SLCO5A1: variants seen among roughly 807,000 people sequenced by gnomAD.
The protein encoded by SLCO5A1 is solute carrier organic anion transporter family member 5A1.
Under a neutral mutation model 65.1 loss-of-function variants are expected in SLCO5A1, and 39 were observed. The observed-to-expected ratio is 0.60, with a 90% CI of 0.46 to 0.78. The LOEUF is 0.78. SLCO5A1 is among the 30% of genes least tolerant of loss of function. The pLI, the probability that SLCO5A1 is intolerant of heterozygous loss-of-function variation, is 0.00. For missense variants in SLCO5A1, 1,029 were observed against 1,069.4 expected, an observed-to-expected ratio of 0.96 and a Z score of 0.53; for synonymous variants, 438 against 415.7, an observed-to-expected ratio of 1.05 and a Z score of -0.65.
intron 6 of SLCO5A1, among the ~76,000 whole-genome samples, chr8:69,695,371 T>G (rs929112106): frequency 6.6e-6 from 1 of 152,070 alleles, no homozygotes; most frequent in Non-Finnish European, 1.5e-5. Flanking sequence ...TGGCGGGACC[T>G]GTAATCTCAG....
chr8:69,832,317 G>A lies in SLCO5A1; in HGVS notation c.357C>T (p.Cys119=), dbSNP rs1331598610. The A allele has an allele frequency of 6.2e-7, 1 of 1,614,186 alleles. No homozygotes were observed. The highest frequency in any genetic ancestry group is 8.5e-7 in the Non-Finnish European group (1 of 1,180,020). ...GGGAATCCGTGAGGACCACGTAGAG[G>A]CACCTTCTCTCCTGGAGCATGGCCA... ...SALAMLQERR[C]LYVVLTDSRC... is the part of the protein sequence containing the mutation. The change falls in exon 2 of 10, where the codon TGC becomes TGT. Residue 119 remains cysteine, a synonymous_variant. Transcript: ENST00000260126. This position sits in a 1 kb window ranked among gnomAD's most constrained non-coding sequence, Gnocchi z 4.5.
chr8:69,743,788 C>T lies in SLCO5A1; in HGVS notation c.1259-5584G>A, dbSNP rs150794837. Reference sequence around the variant, plus strand: ...GGGACTCAGAGGTGCTATCTACAGGCAACCCAACAGCCACCAGAAGCCTAA... The same window carrying T: ...GGGACTCAGAGGTGCTATCTACAGGTAACCCAACAGCCACCAGAAGCCTAA... On this transcript the variant is annotated intron_variant, in intron 4 of 9. Coordinates refer to ENST00000260126, the MANE Select transcript of SLCO5A1 (RefSeq NM_030958.3). Among the ~76,000 whole-genome samples the T allele has an allele frequency of 6.6e-5, 10 of 152,236 alleles. No homozygotes were observed. The East Asian group carries it at 1.9e-3, about 29-fold the overall frequency.
chr8:69,831,526 A>G (rs1157179047), intron 2 of SLCO5A1, among the ~76,000 whole-genome samples: 1 of 152,238 alleles, frequency 6.6e-6, no homozygotes, highest in Non-Finnish European at 1.5e-5. Flanking sequence ...TTTAAAGTTT[A>G]TGTTACTTGG....
rs555360674 is a variant in SLCO5A1, at chr8:69,774,292, G to A, written c.908-12417C>T. Among the ~76,000 whole-genome samples the A allele has an allele frequency of 3.3e-5, 5 of 152,228 alleles. No individual in the cohort carries two copies. The East Asian group carries it at 5.8e-4, about 18-fold the overall frequency. ...TGTTGCAGTGAGCATCTCTACCTCCGCCAATCCCACCCCAATAGAGTCCTT... is the reference window on the plus strand; with the variant it reads ...TGTTGCAGTGAGCATCTCTACCTCCACCAATCCCACCCCAATAGAGTCCTT... On this transcript the variant is annotated intron_variant, in intron 2 of 9. Transcript: ENST00000260126.
chr8:69,814,515 A>T (rs965629164), intron 2 of SLCO5A1, among the ~76,000 whole-genome samples: 5 of 152,178 alleles, frequency 3.3e-5, no homozygotes, highest in Admixed American at 1.3e-4. Flanking sequence ...TCAAGTTTTG[A>T]TGAGGATGTG....
At position 69,832,481 on chromosome 8, in the gene SLCO5A1, C is replaced by A; in HGVS notation, c.193G>T (p.Asp65Tyr). The A allele has an allele frequency of 6.2e-7, 1 of 1,612,496 alleles. No individual in the cohort carries two copies. The highest frequency in any genetic ancestry group is 8.5e-7 in the Non-Finnish European group (1 of 1,179,362). ...GDANPAFGCV[D>Y]SSGHQELKQG... ...TTCAACTCCTGGTGGCCCGAAGAATCCACACAGCCAAAGGCCGGGTTGGCG... is the reference window on the plus strand; with the variant it reads ...TTCAACTCCTGGTGGCCCGAAGAATACACACAGCCAAAGGCCGGGTTGGCG... The change falls in exon 2 of 10, where the codon GAT (aspartate) becomes TAT (tyrosine). Residue 65 changes from aspartate (D) to tyrosine (Y), a missense_variant. By Grantham distance (160) the Asp-to-Tyr change is radical. Transcript: ENST00000260126. This position sits in a 1 kb window ranked among gnomAD's most constrained non-coding sequence, Gnocchi z 4.5.
At chr8:69,760,037 G>A (rs1341581929) in intron 3 of SLCO5A1, among the ~76,000 whole-genome samples, 1 of 152,122 alleles carries the variant, frequency 6.6e-6, no homozygotes, top group Non-Finnish European at 1.5e-5. Flanking sequence ...TAAAGCTCCT[G>A]CCTTCCCTCC....
intron 6 of SLCO5A1, among the ~76,000 whole-genome samples, chr8:69,694,157 T>C (rs1320266832): frequency 6.6e-6 from 1 of 152,200 alleles, no homozygotes; most frequent in Non-Finnish European, 1.5e-5. Flanking sequence ...CGTACGTGCA[T>C]GAAATACACA....
chr8:69,803,499 G>T (rs1819850199), intron 2 of SLCO5A1, among the ~76,000 whole-genome samples: 1 of 152,040 alleles, frequency 6.6e-6, no homozygotes, highest in South Asian at 2.1e-4. Flanking sequence ...AATCGCTTGT[G>T]AGCTGAGATC....
intron 2 of SLCO5A1, among the ~76,000 whole-genome samples, chr8:69,779,024 A>C (rs563292466): frequency 3.3e-5 from 5 of 152,212 alleles, no homozygotes; most frequent in Non-Finnish European, 7.4e-5. Flanking sequence ...TCATTTATGT[A>C]TAGTGTATGG....
intron 5 of SLCO5A1, among the ~76,000 whole-genome samples, chr8:69,728,197 C>T (rs974916594): frequency 6.6e-6 from 1 of 151,894 alleles, no homozygotes; most frequent in Non-Finnish European, 1.5e-5. Flanking sequence ...ATGTAAAATA[C>T]CGATGTATAT....
At chr8:69,675,971 A>T (rs1813530761) in intron 9 of SLCO5A1, among the ~76,000 whole-genome samples, 1 of 152,220 alleles carries the variant, frequency 6.6e-6, no homozygotes, top group South Asian at 2.1e-4. Context: ...TTGTCTCAAG[A>T]ACTCACAGAG....
At chr8:69,808,568 T>C (rs1043821229) in intron 2 of SLCO5A1, among the ~76,000 whole-genome samples, 5 of 152,214 alleles carry the variant, frequency 3.3e-5, no homozygotes, top group African/African-American at 7.2e-5. Context: ...CAGTCTATCA[T>C]TGATGGACAT....
At chr8:69,787,825 C>T (rs1819102737) in intron 2 of SLCO5A1, among the ~76,000 whole-genome samples, 1 of 152,154 alleles carries the variant, frequency 6.6e-6, no homozygotes, top group African/African-American at 2.4e-5. Context: ...CAGGCACTAG[C>T]TATACATGAT....
Position 69,832,967 on chromosome 8 carries a change from C to G in SLCO5A1, c.-294G>C, listed in dbSNP as rs1427985372. Reference sequence around the variant, plus strand: ...TCTCCGGGCGGTAGCTTGAGGCAGGCGCCTCGCGCGTCCCGGGCTCATCCC... The same window carrying G: ...TCTCCGGGCGGTAGCTTGAGGCAGGGGCCTCGCGCGTCCCGGGCTCATCCC... On this transcript the variant is annotated 5_prime_UTR_variant, in exon 2 of 10. Transcript: ENST00000260126. The surrounding 1 kb of genome is among the most constrained non-coding windows in gnomAD (Gnocchi z 4.5). 1 of 398,238 alleles carries G rather than the reference C, an allele frequency of 2.5e-6. No individual in the cohort carries two copies. Among genetic ancestry groups the G allele is most frequent in the African/African-American group, 2.1e-5 (1 of 46,900 alleles). 24.7% of individuals were successfully genotyped at this position (398,238 alleles called of 1,614,324 possible).
chr8:69,722,103 C>T (rs1057174242), intron 5 of SLCO5A1, among the ~76,000 whole-genome samples: 19 of 151,420 alleles, frequency 1.3e-4, no homozygotes, highest in Admixed American at 1.1e-3. Context: ...GACCAGGAGG[C>T]GGAGGTTGCA....
At chr8:69,715,799 CT>C (rs1036999708) in intron 5 of SLCO5A1, among the ~76,000 whole-genome samples, 17 of 152,050 alleles carry the variant, frequency 1.1e-4, no homozygotes, top group Admixed American at 3.3e-4. Flanking sequence ...TATTGTGTTT[CT>C]TTTTTTTAAT....
chr8:69,714,631 C>T (rs1482896269), intron 5 of SLCO5A1, among the ~76,000 whole-genome samples: 1 of 152,214 alleles, frequency 6.6e-6, no homozygotes, highest in Non-Finnish European at 1.5e-5. Context: ...CATGGGACCA[C>T]TTACAGCTAA....
At chr8:69,756,637 G>A (rs1314904250) in intron 3 of SLCO5A1, among the ~76,000 whole-genome samples, 1 of 152,210 alleles carries the variant, frequency 6.6e-6, no homozygotes, top group Non-Finnish European at 1.5e-5. Flanking sequence ...AATTCAGAGA[G>A]GGGAAATTAA....
Sources: allele counts gnomAD v4.1 joint callset (sites outside exome capture counted in the v4.1 genomes callset), GRCh38; gene constraint gnomAD v4.1.1; non-coding constraint Gnocchi (gnomAD v3.1); transcripts MANE v1.5; gene names NCBI Gene and HGNC (gene_info 2026-07-23, HGNC 2026-07-21).